ZNF836: variants seen among roughly 807,000 people sequenced by gnomAD.
ZNF836 encodes zinc finger protein 836.
A neutral mutation model predicts 7.4 loss-of-function variants in ZNF836; 12 were observed. The ratio of observed to expected loss-of-function variants is 1.61; its 90% CI spans 1.03 to 2.61. The LOEUF is 2.61. Ranked by LOEUF, ZNF836 falls within the 30% of genes most tolerant of loss-of-function variation. ZNF836 has a pLI of 0.00. For missense variants in ZNF836, 998 were observed against 1,126.2 expected (o/e 0.89, Z 1.63); for synonymous variants, 365 against 382.6 (o/e 0.95, Z 0.54).
rs2089166838 is a variant in ZNF836 at position 52,156,855 on chromosome 19, A to G, written c.828T>C (p.Cys276=). The change falls in exon 5 of 5, where the codon TGT becomes TGC. Residue 276 remains cysteine (C), a synonymous_variant. Coordinates refer to ENST00000682614, the MANE Select transcript of ZNF836 (RefSeq NM_001102657.3). ...GTCTGAAGATCTTGCCACATACACC[A>G]CATTGATATGGCTTCCCCCTTGTAT... The part of the protein sequence containing the change: ...IVHTRGKPYQ[C]GVCGKIFRQN... 6.2e-6 allele frequency: 10 copies of G among 1,614,240 alleles called. No individual in the cohort carries two copies. In the East Asian group the frequency reaches 2.2e-4, roughly 36 times the overall value.
intron 3 of ZNF836, among the ~76,000 whole-genome samples, chr19:52,162,156 TCA>T (rs938155536): frequency 4.6e-5 from 7 of 152,210 alleles, no homozygotes; most frequent in African/African-American, 1.7e-4. Flanking sequence ...ATGGAAGTTC[TCA>T]CAGTGCCTGC....
At position 52,155,901 on chromosome 19, in the gene ZNF836, G is replaced by C. The variant is rs776311567; in HGVS notation, c.1782C>G (p.Tyr594Ter). 1.2e-6 allele frequency: 2 copies of C among 1,613,544 alleles called. No individual in the cohort carries two copies. Among genetic ancestry groups the C allele is most frequent in the East Asian group, 2.2e-5 (1 of 44,866 alleles). The change falls in exon 5 of 5, where the codon TAC becomes TAG. Residue 594 changes from tyrosine to a stop codon, truncating the protein, a stop_gained. Transcript: ENST00000682614. LOFTEE classifies it low-confidence loss of function (END_TRUNC). ...TTCTTAGATGACGTGCTAGGCATGA[G>C]TAGTTCCTGAAGACTGTGCCACATT... Reference protein sequence around the residue: ...CNECGTVFRNYSCLARHLRIH... With the variant: ...CNECGTVFRN
rs758106804 is a variant in ZNF836, at chr19:52,155,566, C to T, written c.2117G>A (p.Ser706Asn). Residue 706 changes from serine to asparagine, a missense_variant, in exon 5 of 5, where the codon AGT (serine) becomes AAT (asparagine). Physicochemically the swap from Ser to Asn is conservative, Grantham distance 46. Coordinates refer to ENST00000682614, the MANE Select transcript of ZNF836 (RefSeq NM_001102657.3). ...TCTGTGATATCTTGCAAGTTTTGAA[C>T]TTTGGATAAATGCCCCTCCAAACTC... ...CNEFGGAFIQ[S>N]SKLARYHRNP... 1.9e-6 allele frequency: 3 copies of T among 1,613,872 alleles called. No individual in the cohort carries two copies. Among genetic ancestry groups the T allele is most frequent in the Admixed American group, 1.7e-5 (1 of 60,006 alleles).
chr19:52,157,572 C>T lies in ZNF836; in HGVS notation c.143-32G>A, dbSNP rs545347855. ...AATATAATGAACATGGGAGTTTTTT[C>T]GTTGGTTTTTTTTTTTGAGACAGAG... On this transcript the variant is annotated intron_variant, in intron 4 of 4. Transcript: ENST00000682614. The T allele has an allele frequency of 6.9e-6, 10 of 1,442,456 alleles. No individual in the cohort carries two copies. In the African/African-American group the frequency reaches 8.7e-5, roughly 13 times the overall value. The allele number at this position is 1,442,456 out of a possible 1,614,324, so 89.4% of individuals were successfully genotyped here.
Position 52,154,819 on chromosome 19 carries a change from A to G in ZNF836, c.*53T>C. On this transcript the variant is annotated 3_prime_UTR_variant, in exon 5 of 5. Coordinates refer to ENST00000682614, the MANE Select transcript of ZNF836 (RefSeq NM_001102657.3). ...CCAATAAAGGGGATTAAAATTCCAC[A>G]TGAGATTTCAGACGGAAGTGACAAA... 1 of 1,415,422 alleles carries G rather than the reference A, an allele frequency of 7.1e-7. No individual in the cohort carries two copies. The highest frequency in any genetic ancestry group is 9.4e-7 in the Non-Finnish European group (1 of 1,069,180). 87.7% of individuals were successfully genotyped at this position (1,415,422 alleles called of 1,614,324 possible). A position where few individuals can be genotyped will look rare whatever the true frequency, so the allele number is the denominator to read the frequency against.
chr19:52,168,877 C>T (rs1374313949), intron 2 of ZNF836, among the ~76,000 whole-genome samples: 4 of 152,216 alleles, frequency 2.6e-5, no homozygotes, highest in South Asian at 4.1e-4. Context: ...AAGACAATTA[C>T]TGTATGACCT....
In ZNF836 at chr19:52,156,708, A is replaced by C. The variant is rs747010035; in HGVS notation, c.975T>G (p.Thr325=). The change falls in exon 5 of 5, where the codon ACT becomes ACG. Residue 325 remains threonine, a synonymous_variant. Transcript: ENST00000682614. ...YNLAIHQRIH[T]GEKPYKCNEC... is the part of the protein sequence containing the mutation. ...CATTACATTTGTAAGGTTTCTCTCC[A>C]GTGTGAATTCTCTGATGTATTGCAA... is the stretch of plus-strand genomic sequence containing the variant. The C allele has an allele frequency of 6.2e-7, 1 of 1,606,410 alleles. No homozygotes were observed. The highest frequency in any genetic ancestry group is 1.1e-5 in the South Asian group (1 of 90,328).
Position 52,157,165 on chromosome 19 carries a change from T to G in ZNF836, c.518A>C (p.Asn173Thr). Residue 173 changes from asparagine to threonine, a missense_variant, in exon 5 of 5, where the codon AAC becomes ACC. By Grantham distance (65) the Asn-to-Thr change is moderately conservative (BLOSUM62 0). Coordinates refer to ENST00000682614, the MANE Select transcript of ZNF836 (RefSeq NM_001102657.3). ...ECNQSEKTVN[N>T]SSLVSPLQRI... Reference sequence around the variant, plus strand: ...TTGAAGTGGTGAAACTAGGGAACTGTTATTAACTGTCTTCTCAGATTGGTT... The same window carrying G: ...TTGAAGTGGTGAAACTAGGGAACTGGTATTAACTGTCTTCTCAGATTGGTT... 1 of 1,613,430 alleles carries G rather than the reference T, an allele frequency of 6.2e-7. No individual in the cohort carries two copies. Among genetic ancestry groups the G allele is most frequent in the Non-Finnish European group, 8.5e-7 (1 of 1,179,578 alleles).
intron 2 of ZNF836, among the ~76,000 whole-genome samples, chr19:52,168,697 T>A (rs776837862): frequency 2.6e-4 from 40 of 152,326 alleles, no homozygotes; most frequent in Admixed American, 7.2e-4. Flanking sequence ...TGCGTACATA[T>A]GTATAATGGA....
chr19:52,163,728 AAAG>A (rs2089234871), intron 3 of ZNF836, among the ~76,000 whole-genome samples: 1 of 152,320 alleles, frequency 6.6e-6, no homozygotes, highest in South Asian at 2.1e-4. Flanking sequence ...CACTGAGAAA[AAAG>A]AAGATTGACA....
intron 3 of ZNF836, 38 bp from the exon 4 acceptor site, chr19:52,160,629 G>A: frequency 1.3e-6 from 2 of 1,579,516 alleles, no homozygotes; most frequent in Admixed American, 3.8e-5. Flanking sequence ...AGCAATGGGA[G>A]AGCTCTTATC....
chr19:52,157,345 G>C lies in ZNF836; in HGVS notation c.338C>G (p.Pro113Arg). The change falls in exon 5 of 5, where the codon CCA (proline) becomes CGA (arginine). Residue 113 changes from proline (P) to arginine (R), a missense_variant. By Grantham distance (103) the Pro-to-Arg change is moderately radical. Transcript: ENST00000682614. ...ATTAAGATTGTTTTTATAGGTCATT[G>C]GCACTTCTTTATAATTTATTTCACC... ...KDGEINYKEV[P>R]MTYKNNLNGK... 6.2e-7 allele frequency: 1 copy of C among 1,607,218 alleles called. No homozygotes were observed. Among genetic ancestry groups the C allele is most frequent in the Non-Finnish European group, 8.5e-7 (1 of 1,178,108 alleles).
chr19:52,156,020 T>G lies in ZNF836; in HGVS notation c.1663A>C (p.Lys555Gln). The change falls in exon 5 of 5, where the codon AAA becomes CAA. Residue 555 changes from lysine to glutamine, a missense_variant. Transcript: ENST00000682614. ...LRIHTGEQPY[K>Q]CNVCGKVFNY... is the part of the protein sequence containing the mutation. ...AAGACCTTGCCACACACATTACATT[T>G]GTAAGGTTGCTCCCCAGTATGAATT... The G allele has an allele frequency of 6.2e-7, 1 of 1,614,010 alleles. No homozygotes were observed. Among genetic ancestry groups the G allele is most frequent in the Non-Finnish European group, 8.5e-7 (1 of 1,179,900 alleles).
intron 3 of ZNF836, among the ~76,000 whole-genome samples, chr19:52,167,535 G>A (rs1455584553): frequency 1.3e-5 from 2 of 150,036 alleles, no homozygotes; most frequent in Admixed American, 6.7e-5. Flanking sequence ...ACTGACGTGT[G>A]TATCTAATTG....
intron 3 of ZNF836, chr19:52,165,521 T>C (rs1227862891): frequency 6.6e-6 from 1 of 152,222 alleles, no homozygotes; most frequent in Non-Finnish European, 1.5e-5. Context: ...CATAATGACG[T>C]GTAAATGCAA....
chr19:52,159,157 T>C (rs1482707051), intron 4 of ZNF836, among the ~76,000 whole-genome samples: 1 of 152,180 alleles, frequency 6.6e-6, no homozygotes, highest in Admixed American at 6.5e-5. Context: ...ATCTATGGTA[T>C]CTGCTATACC....
intron 2 of ZNF836, among the ~76,000 whole-genome samples, chr19:52,168,446 G>A (rs1420284349): frequency 6.6e-6 from 1 of 151,976 alleles, no homozygotes; most frequent in Admixed American, 6.6e-5. Flanking sequence ...AAATTAGCCG[G>A]GTGTGGTGGC....
chr19:52,168,804 T>G (rs1262930044), intron 2 of ZNF836, among the ~76,000 whole-genome samples: 1 of 152,096 alleles, frequency 6.6e-6, no homozygotes, highest in Admixed American at 6.5e-5. Flanking sequence ...ATTCTCCTGC[T>G]ATTTGCAACA....
intron 2 of ZNF836, among the ~76,000 whole-genome samples, chr19:52,168,548 A>T (rs1384007784): frequency 6.8e-6 from 1 of 147,074 alleles, no homozygotes. Context: ...AGATCATGCC[A>T]CTGTGCTCCA....
Sources: gnomAD v4.1 joint callset for allele counts (sites outside exome capture counted in the v4.1 genomes callset) on GRCh38, gnomAD v4.1.1 for gene constraint, MANE v1.5 for transcripts, NCBI Gene and HGNC (gene_info 2026-07-23, HGNC 2026-07-21) for gene names.